The following RBM6 variants were observed in gnomAD, a reference collection of about 807,000 sequenced individuals.
The protein encoded by RBM6 is RNA binding motif protein 6.
RBM6 carries 23 observed loss-of-function variants against 140.4 expected under a neutral mutation model. The ratio of observed to expected loss-of-function variants is 0.16; its 90% CI spans 0.12 to 0.23. RBM6 has a LOEUF of 0.23. Ranked by LOEUF, RBM6 falls within the 10% of genes least tolerant of loss-of-function variation. The pLI, the probability that RBM6 is intolerant of heterozygous loss-of-function variation, is 1.00. For missense variants in RBM6, 1,139 were observed against 1,386.7 expected (o/e 0.82, Z 2.84); for synonymous variants, 439 against 475.6 (o/e 0.92, Z 1.00).
At chr3:49,962,537 C>T (rs1022238168) in intron 1 of RBM6, 39 bp from the exon 2 acceptor site, 7 of 983,986 alleles carry the variant, frequency 7.1e-6, no homozygotes, top group Admixed American at 5.4e-5. Context: ...TTTTAGTTCA[C>T]ATTCTAAAGT....
intron 19 of RBM6, among the ~76,000 whole-genome samples, chr3:50,074,719 A>C (rs188612027): frequency 2.0e-5 from 3 of 152,358 alleles, no homozygotes; most frequent in African/African-American, 7.2e-5. Flanking sequence ...ATATCTTAGT[A>C]GTCTGTGTAC....
chr3:49,944,474 CTTT>C (rs34463596), intron 1 of RBM6, among the ~76,000 whole-genome samples: 98 of 132,248 alleles, frequency 7.4e-4, no homozygotes, highest in Non-Finnish European at 7.3e-4. Context: ...GTACAAATAT[CTTT>C]TTTTTTTTTT....
intron 7 of RBM6, chr3:50,054,026 T>C: frequency 4.1e-6 from 1 of 246,656 alleles, no homozygotes; most frequent in South Asian, 9.1e-5. Flanking sequence ...TTTGGGACAA[T>C]AATATTCTAT....
chr3:50,049,186 A>G (rs568096785), intron 7 of RBM6, among the ~76,000 whole-genome samples: 1 of 151,942 alleles, frequency 6.6e-6, no homozygotes, highest in East Asian at 1.9e-4. Context: ...TCAGCTCACT[A>G]CAACCTCTGC....
chr3:49,950,326 G>GT (rs1197703921), intron 1 of RBM6, among the ~76,000 whole-genome samples: 1 of 152,102 alleles, frequency 6.6e-6, no homozygotes, highest in Non-Finnish European at 1.5e-5. Flanking sequence ...CTGTTTCATT[G>GT]TTTTTTGGAG....
At chr3:50,054,503 C>CA in intron 8 of RBM6, 108 bp downstream of exon 8, 1 of 880,086 alleles carries the variant, frequency 1.1e-6, no homozygotes, top group Non-Finnish European at 1.8e-6. Context: ...AGTTGATCTA[C>CA]AAACCTTTTT....
At position 50,061,127 on chromosome 3, in the gene RBM6, CT is replaced by C. The variant is rs2089920559; in HGVS notation, c.2272-10del. 6.2e-7 allele frequency: 1 copy of C among 1,613,850 alleles called. No individual in the cohort carries two copies. The highest frequency in any genetic ancestry group is 8.5e-7 in the Non-Finnish European group (1 of 1,179,974). On this transcript the variant is annotated splice_polypyrimidine_tract_variant and intron_variant, in intron 12 of 20. Coordinates refer to ENST00000266022, the MANE Select transcript of RBM6 (RefSeq NM_005777.3). ...GGATAGTTCTGTAATTTTAACTTGCCTTTCTGTGATAGGGTAAAAAATATTT... is the reference window on the plus strand; with the variant it reads ...GGATAGTTCTGTAATTTTAACTTGCCTTCTGTGATAGGGTAAAAAATATTT...
intron 1 of RBM6, among the ~76,000 whole-genome samples, chr3:49,958,578 AC>A (rs776756053): frequency 1.0e-4 from 15 of 148,880 alleles, no homozygotes; most frequent in Non-Finnish European, 1.2e-4. Flanking sequence ...TGTCTCAAAA[AC>A]AAAAAACAAA....
At chr3:49,962,150 TA>T (rs66697775) in intron 1 of RBM6, among the ~76,000 whole-genome samples, 47,547 of 112,362 alleles carry the variant, frequency 0.42, 8,690 homozygotes, top group Middle Eastern at 0.49. Flanking sequence ...CTCCATCTCT[TA>T]AAAAAAAAAA....
At chr3:50,060,315 C>T (rs996313747) in intron 11 of RBM6, among the ~76,000 whole-genome samples, 3 of 152,266 alleles carry the variant, frequency 2.0e-5, no homozygotes, top group Admixed American at 6.5e-5. Context: ...CTCTTTCCTC[C>T]TTCACTCATC....
intron 11 of RBM6, 35 bp downstream of exon 11, chr3:50,059,781 C>G (rs767808496): frequency 2.0e-6 from 3 of 1,535,082 alleles, no homozygotes; most frequent in Non-Finnish European, 2.7e-6. Context: ...TTGTGCTGCC[C>G]CCACTTGTGT....
At chr3:50,018,447 T>C (rs1575706471) in intron 6 of RBM6, among the ~76,000 whole-genome samples, 1 of 152,302 alleles carries the variant, frequency 6.6e-6, no homozygotes, top group South Asian at 2.1e-4. Flanking sequence ...GACATTTTGG[T>C]TGCTTCCATG....
At chr3:50,012,991 C>G (rs902442906) in intron 6 of RBM6, among the ~76,000 whole-genome samples, 3 of 146,866 alleles carry the variant, frequency 2.0e-5, no homozygotes, top group African/African-American at 7.6e-5. Context: ...GATCTGACCA[C>G]CTGGGCCTCC....
chr3:49,991,943 TTTTATTTA>T (rs1350222530), intron 5 of RBM6, among the ~76,000 whole-genome samples: 2 of 150,710 alleles, frequency 1.3e-5, no homozygotes, highest in Admixed American at 1.3e-4. Context: ...TTTTATTTTA[TTTTATTTA>T]TTTATTTATT....
chr3:50,004,683 G>A lies in RBM6; in HGVS notation c.1557+5170G>A, dbSNP rs542450974. On this transcript the variant is annotated intron_variant, in intron 6 of 20. Coordinates refer to ENST00000266022, the MANE Select transcript of RBM6 (RefSeq NM_005777.3). ...TGCTCAGGCTGGAGTACAGTGGTACGATGAGAGCTCATTGCAGCTTTGAAC... is the reference window on the plus strand; with the variant it reads ...TGCTCAGGCTGGAGTACAGTGGTACAATGAGAGCTCATTGCAGCTTTGAAC... Among the ~76,000 whole-genome samples the A allele has an allele frequency of 7.2e-5, 11 of 151,982 alleles. No individual in the cohort carries two copies. The South Asian group carries it at 1.7e-3, about 23-fold the overall frequency.
At chr3:49,989,391 A>G (rs569736980) in intron 5 of RBM6, among the ~76,000 whole-genome samples, 15 of 152,224 alleles carry the variant, frequency 9.9e-5, no homozygotes, top group Admixed American at 9.8e-4. Context: ...CCAGGGCAAC[A>G]TGGTGAAACC....
chr3:49,964,580 G>C (rs1477475288), intron 2 of RBM6, among the ~76,000 whole-genome samples: 1 of 152,200 alleles, frequency 6.6e-6, no homozygotes, highest in Non-Finnish European at 1.5e-5. Context: ...TTGTAACAGA[G>C]ATTGTATAAC....
intron 7 of RBM6, among the ~76,000 whole-genome samples, chr3:50,049,269 C>T (rs895928768): frequency 6.6e-6 from 1 of 151,628 alleles, no homozygotes; most frequent in Non-Finnish European, 1.5e-5. Flanking sequence ...CCACCATGCT[C>T]AGCTAATTTT....
intron 1 of RBM6, among the ~76,000 whole-genome samples, chr3:49,953,923 G>A (rs1182300136): frequency 3.9e-5 from 6 of 152,072 alleles, no homozygotes; most frequent in Admixed American, 1.3e-4. Context: ...GCCTGAATCA[G>A]GAGTTTGAGA....
Sources: allele counts gnomAD v4.1 joint callset (sites outside exome capture counted in the v4.1 genomes callset), GRCh38; gene constraint gnomAD v4.1.1; transcripts MANE v1.5; gene names NCBI Gene and HGNC (gene_info 2026-07-23, HGNC 2026-07-21).